The following RAP1GAP2 variants were observed in gnomAD, a reference collection of about 807,000 sequenced individuals.
The protein encoded by RAP1GAP2 is RAP1 GTPase activating protein 2.
Under a neutral mutation model 95.0 loss-of-function variants are expected in RAP1GAP2, and 27 were observed. The observed-to-expected ratio is 0.28, with a 90% CI of 0.21 to 0.39. RAP1GAP2 has a LOEUF of 0.39. RAP1GAP2 is among the 10% of genes least tolerant of loss of function. The pLI, the probability that RAP1GAP2 is intolerant of heterozygous loss-of-function variation, is 1.00. For missense variants in RAP1GAP2, 771 were observed against 970.0 expected (o/e 0.79, Z 2.72); for synonymous variants, 373 against 380.9 (o/e 0.98, Z 0.24).
intron 2 of RAP1GAP2, among the ~76,000 whole-genome samples, chr17:2,874,307 A>G (rs186525027): frequency 1.7e-4 from 26 of 152,234 alleles, no homozygotes; most frequent in African/African-American, 5.8e-4. Flanking sequence ...AAGACTAAAA[A>G]CACTCTAAAC....
intron 2 of RAP1GAP2, chr17:2,853,806 T>A: frequency 1.9e-6 from 1 of 527,404 alleles, no homozygotes; most frequent in Non-Finnish European, 2.4e-6. Context: ...GAGGAGACGC[T>A]GAAGGTCGCC....
chr17:2,759,641 G>A (rs1202007237), intron 1 of RAP1GAP2, among the ~76,000 whole-genome samples: 1 of 152,004 alleles, frequency 6.6e-6, no homozygotes, highest in Admixed American at 6.6e-5. Flanking sequence ...AGTAGAGATG[G>A]GGTTTCACCA....
chr17:2,982,067 C>T (rs1252185911), intron 10 of RAP1GAP2, among the ~76,000 whole-genome samples: 2 of 152,212 alleles, frequency 1.3e-5, no homozygotes, highest in Non-Finnish European at 1.5e-5. Flanking sequence ...CTCTGACAAC[C>T]AGGACCCGTG....
In RAP1GAP2 at chr17:2,820,056, C is replaced by T. The variant is rs182442033; in HGVS notation, c.80+19506C>T. ...TTGGCCTCCCAAAGTGTTGGGATTA[C>T]AGGCGGGAGCCACCACTTCTGGCCT... On this transcript the variant is annotated intron_variant, in intron 2 of 24. Coordinates refer to ENST00000254695, the MANE Select transcript of RAP1GAP2 (RefSeq NM_015085.5). Among the ~76,000 whole-genome samples, 6 of 152,306 alleles carry T rather than the reference C, an allele frequency of 3.9e-5. No individual in the cohort carries two copies. The East Asian group carries it at 9.6e-4, about 24-fold the overall frequency.
chr17:2,996,661 C>G (rs983797169), intron 13 of RAP1GAP2, among the ~76,000 whole-genome samples: 1 of 152,264 alleles, frequency 6.6e-6, no homozygotes, highest in Non-Finnish European at 1.5e-5. Context: ...CCGGCCTGGG[C>G]CTGAGGCCTG....
chr17:3,006,120 CTTTT>C (rs537126167), intron 16 of RAP1GAP2, 79 bp downstream of exon 16: 1,528 of 404,306 alleles, frequency 3.8e-3, no homozygotes, highest in East Asian at 4.9e-3. Context: ...GCTCCTCCAT[CTTTT>C]TTTTTTTTTT....
intron 3 of RAP1GAP2, among the ~76,000 whole-genome samples, chr17:2,923,077 G>T (rs1425710287): frequency 1.4e-5 from 2 of 140,636 alleles, no homozygotes; most frequent in African/African-American, 2.7e-5. Context: ...GTCTTGCTCT[G>T]TTGCCAGGCT....
At chr17:2,885,323 C>T (rs371023451) in intron 2 of RAP1GAP2, among the ~76,000 whole-genome samples, 5 of 152,180 alleles carry the variant, frequency 3.3e-5, no homozygotes, top group African/African-American at 9.6e-5. Context: ...TGAGCCACCG[C>T]GCCCGGCAGA....
intron 3 of RAP1GAP2, among the ~76,000 whole-genome samples, chr17:2,932,038 C>T (rs1174762888): frequency 6.6e-6 from 1 of 152,230 alleles, no homozygotes; most frequent in Non-Finnish European, 1.5e-5. Flanking sequence ...TGATCAACAC[C>T]TGCTCTGCAC....
chr17:2,873,474 C>CAAAAAA lies in RAP1GAP2; in HGVS notation c.81-31778_81-31773dup, dbSNP rs71153308. The stretch of plus-strand genomic sequence containing the variant: ...AGGGTAATAGAATGAGACCCTGTCT[C>CAAAAAA]AAAAAAAAAAAAAAAAAAAAAAAAA... On this transcript the variant is annotated intron_variant, in intron 2 of 24. Transcript: ENST00000254695. 2.6e-4 allele frequency among the ~76,000 whole-genome samples: 3 copies of CAAAAAA among 11,422 alleles called. 1 individual carries two copies. Among genetic ancestry groups the CAAAAAA allele is most frequent in the African/African-American group, 1.1e-3 (3 of 2,854 alleles). 7.5% of individuals were successfully genotyped at this position (11,422 alleles called of 152,430 possible). A position where few individuals can be genotyped will look rare whatever the true frequency, so the allele number is the denominator to read the frequency against.
chr17:2,760,741 C>T (rs1198608926), intron 1 of RAP1GAP2, among the ~76,000 whole-genome samples: 1 of 151,818 alleles, frequency 6.6e-6, no homozygotes. Context: ...CGTTTAGTTC[C>T]TGTGCTTCGT....
chr17:2,818,279 T>G (rs1365983142), intron 2 of RAP1GAP2, among the ~76,000 whole-genome samples: 1 of 151,818 alleles, frequency 6.6e-6, no homozygotes, highest in Non-Finnish European at 1.5e-5. Context: ...AATTTTGTGT[T>G]TTCTCTCAGC....
At chr17:2,918,958 G>A (rs2042662837) in intron 3 of RAP1GAP2, among the ~76,000 whole-genome samples, 1 of 152,184 alleles carries the variant, frequency 6.6e-6, no homozygotes, top group Non-Finnish European at 1.5e-5. Flanking sequence ...CTTTGTTTCT[G>A]AAATGTGCGG....
Position 2,825,408 on chromosome 17 carries a change from TTGAC to T in RAP1GAP2, c.80+24862_80+24865del, listed in dbSNP as rs760873783. Among the ~76,000 whole-genome samples the T allele has an allele frequency of 2.6e-5, 4 of 152,128 alleles. No homozygotes were observed. Among genetic ancestry groups the T allele is most frequent in the Non-Finnish European group, 4.4e-5 (3 of 68,026 alleles). ...AAGCAAGAACATGAGTGTTCACGCT[TTGAC>T]TGAGCTGTTGACAGCACCGAGGCCA... On this transcript the variant is annotated intron_variant, in intron 2 of 24. Transcript: ENST00000254695. This position sits in a 1 kb window ranked among gnomAD's most constrained non-coding sequence, Gnocchi z 4.1.
At chr17:2,937,558 G>A (rs2043342841) in intron 3 of RAP1GAP2, among the ~76,000 whole-genome samples, 1 of 152,188 alleles carries the variant, frequency 6.6e-6, no homozygotes, top group African/African-American at 2.4e-5. Flanking sequence ...GAGGGAGCTG[G>A]AAGGATGCTG....
chr17:2,878,683 T>TG (rs1447790130), intron 2 of RAP1GAP2, among the ~76,000 whole-genome samples: 2 of 152,216 alleles, frequency 1.3e-5, no homozygotes, highest in Non-Finnish European at 2.9e-5. Context: ...CGGCAGCCTG[T>TG]GGGCCCATGA....
At position 2,797,761 on chromosome 17, in the gene RAP1GAP2, T is replaced by C. The variant is rs1289311619; in HGVS notation, c.44+1190T>C. 1 of 985,154 alleles carries C rather than the reference T, an allele frequency of 1.0e-6. No homozygotes were observed. Among genetic ancestry groups the C allele is most frequent in the Admixed American group, 6.2e-5 (1 of 16,250 alleles). 61.0% of individuals were successfully genotyped at this position (985,154 alleles called of 1,614,324 possible). On this transcript the variant is annotated intron_variant, in intron 1 of 24. Transcript: ENST00000254695. This position sits in a 1 kb window ranked among gnomAD's most constrained non-coding sequence, Gnocchi z 5.6. Reference sequence around the variant, plus strand: ...TCTCGGGCCCTCCCTGACGCCTGGATCTGGGAGCTGCCACCCCGAGGGTAG... The same window carrying C: ...TCTCGGGCCCTCCCTGACGCCTGGACCTGGGAGCTGCCACCCCGAGGGTAG...
chr17:2,998,241 T>C lies in RAP1GAP2; in HGVS notation c.1065T>C (p.Ile355=), dbSNP rs750383878. The C allele has an allele frequency of 2.6e-5, 42 of 1,613,880 alleles. No homozygotes were observed. Among genetic ancestry groups the C allele is most frequent in the African/African-American group, 5.3e-5 (4 of 74,926 alleles). ...TTTAGCTCCAGAGAAAGAGACACAT[T>C]GGAAATGACATCGTGGCCATCATCT... ...DAQQLQRKRH[I]GNDIVAIIFQ... The change falls in exon 14 of 25, where the codon ATT becomes ATC. Residue 355 remains isoleucine (I), a synonymous_variant. Transcript: ENST00000254695.
Position 2,884,563 on chromosome 17 carries a change from G to A in RAP1GAP2, c.81-20721G>A, listed in dbSNP as rs144436985. Among the ~76,000 whole-genome samples the A allele has an allele frequency of 1.7e-4, 26 of 152,034 alleles. No homozygotes were observed. The East Asian group carries it at 5.0e-3, about 29-fold the overall frequency. The stretch of plus-strand genomic sequence containing the variant: ...AATATTTGTATTTTTAGTGGAAAAG[G>A]GGGTTTCACCATGTTGCCCAGGCTG... On this transcript the variant is annotated intron_variant, in intron 2 of 24. Coordinates refer to ENST00000254695, the MANE Select transcript of RAP1GAP2 (RefSeq NM_015085.5).
Sources: gnomAD v4.1 joint callset for allele counts (sites outside exome capture counted in the v4.1 genomes callset) on GRCh38, gnomAD v4.1.1 for gene constraint, Gnocchi (gnomAD v3.1) non-coding constraint, MANE v1.5 for transcripts, NCBI Gene and HGNC (gene_info 2026-07-23, HGNC 2026-07-21) for gene names.